Variants in UGT2B17 observed in about 807,000 individuals in gnomAD.
UGT2B17 encodes UDP glucuronosyltransferase family 2 member B17, also known as UDP-glucuronosyltransferase 2B17.
A neutral mutation model predicts 48.2 loss-of-function variants in UGT2B17; 21 were observed. The observed-to-expected ratio is 0.44, with a 90% confidence interval of 0.31 to 0.63. The LOEUF (loss-of-function observed/expected upper bound fraction) is 0.63, where lower values mean the gene tolerates loss of function less well. Among genes scored for constraint, UGT2B17 ranks in the 20% least tolerant of loss-of-function variants. UGT2B17 has a pLI of 0.08. For missense variants in UGT2B17, 402 were observed against 696.1 expected, an observed-to-expected ratio of 0.58 and a Z score of 4.75; for synonymous variants, 146 against 238.4, an observed-to-expected ratio of 0.61 and a Z score of 3.57.
In UGT2B17 at chr4:68,564,294, A is replaced by ATATTT. The variant is rs1366181355; in HGVS notation, c.873+1277_873+1278insAAATA. 1.1e-3 allele frequency among the ~76,000 whole-genome samples: 86 copies of ATATTT among 75,756 alleles called. 7 individuals carry two copies. Among genetic ancestry groups the ATATTT allele is most frequent in the Middle Eastern group, 7.5e-3 (1 of 134 alleles). 49.7% of individuals were successfully genotyped at this position (75,756 alleles called of 152,430 possible). A position where few individuals can be genotyped will look rare whatever the true frequency, so the allele number is the denominator to read the frequency against. On this transcript the variant is annotated intron_variant, in intron 3 of 6. Coordinates refer to ENST00000317746, the MANE Select transcript of UGT2B17 (RefSeq NM_001077.4). The stretch of plus-strand genomic sequence containing the variant: ...ATTTCATATATATATATATATATAT[A>ATATTT]TTTTTTTTTTTTGAGACAGAGTCTC...
chr4:68,575,455 C>A lies in UGT2B17; in HGVS notation c.-65+496G>T, dbSNP rs1418817949. ...ATTTCACACAAAGTTCTAAGTTTTC[C>A]TGGAGTCATAGTGACTCCATAGTCT... On this transcript the variant is annotated intron_variant, in intron 1 of 6. Transcript: ENST00000317746. Among the ~76,000 whole-genome samples the A allele has an allele frequency of 1.6e-5, 2 of 124,974 alleles. 1 individual carries two copies. Among genetic ancestry groups the A allele is most frequent in the African/African-American group, 5.5e-5 (2 of 36,346 alleles). The allele number at this position is 124,974 out of a possible 152,430, so 82.0% of individuals were successfully genotyped here. A position where few individuals can be genotyped will look rare whatever the true frequency, so the allele number is the denominator to read the frequency against.
At chr4:68,547,209 A>G (rs1578165566) in intron 6 of UGT2B17, among the ~76,000 whole-genome samples, 1 of 122,210 alleles carries the variant, frequency 8.2e-6, no homozygotes, top group Non-Finnish European at 1.7e-5. Context: ...ACAGCATGGT[A>G]CTGGTACCAA....
At chr4:68,570,490 T>G (rs1392232556) in intron 1 of UGT2B17, among the ~76,000 whole-genome samples, 1 of 127,108 alleles carries the variant, frequency 7.9e-6, no homozygotes, top group Non-Finnish European at 1.7e-5. Flanking sequence ...TTGTTGTTTT[T>G]TCTTAAAACA....
Position 68,550,617 on chromosome 4 carries a change from T to C in UGT2B17, c.1313+60A>G, listed in dbSNP as rs867164289. 64 of 1,240,498 alleles carry C rather than the reference T, an allele frequency of 5.2e-5. 20 individuals are homozygous for C. The Middle Eastern group carries it at 6.3e-3, about 121-fold the overall frequency. The allele number at this position is 1,240,498 out of a possible 1,614,324, so 76.8% of individuals were successfully genotyped here. The stretch of plus-strand genomic sequence containing the variant: ...TCTCTTAACAAAGGGTTCAAACTCA[T>C]ATTCACTGTTGACAAAATAATTTGT... On this transcript the variant is annotated intron_variant, in intron 6 of 6. Coordinates refer to ENST00000317746, the MANE Select transcript of UGT2B17 (RefSeq NM_001077.4).
Position 68,555,922 on chromosome 4 carries a change from AGT to A in UGT2B17, c.1006-4013_1006-4012del, listed in dbSNP as rs1491358256. ...TGTAAAGAAAGTTATAAAAATAAAA[AGT>A]TTTTTTTTTTTTTTTTTGTAAAAAG... On this transcript the variant is annotated intron_variant, in intron 4 of 6. Transcript: ENST00000317746. 1.2e-4 allele frequency among the ~76,000 whole-genome samples: 6 copies of A among 48,574 alleles called. 1 individual carries two copies. The highest frequency in any genetic ancestry group is 2.7e-4 in the Non-Finnish European group (6 of 22,422). 31.9% of individuals were successfully genotyped at this position (48,574 alleles called of 152,430 possible). A position where few individuals can be genotyped will look rare whatever the true frequency, so the allele number is the denominator to read the frequency against.
chr4:68,553,883 A>C lies in UGT2B17; in HGVS notation c.1006-1972T>G, dbSNP rs190617731. On this transcript the variant is annotated intron_variant, in intron 4 of 6. Transcript: ENST00000317746. ...GGAAAATGAAAGACTGAGTTTTCTC[A>C]GCTCCAAAGTGAAAGGGCATCTGCT... Among the ~76,000 whole-genome samples the C allele has an allele frequency of 2.4e-3, 288 of 122,006 alleles. 46 individuals are homozygous for C. Among genetic ancestry groups the C allele is most frequent in the Middle Eastern group, 8.1e-3 (2 of 248 alleles). The allele number at this position is 122,006 out of a possible 152,430, so 80.0% of individuals were successfully genotyped here.
intron 1 of UGT2B17, among the ~76,000 whole-genome samples, chr4:68,574,114 C>T (rs1188619506): frequency 7.9e-6 from 1 of 126,760 alleles, no homozygotes; most frequent in Non-Finnish European, 1.7e-5. Flanking sequence ...ATATTTGATC[C>T]ATTTCAACCA....
chr4:68,562,138 T>G (rs1285965331), intron 3 of UGT2B17, among the ~76,000 whole-genome samples: 2 of 125,324 alleles, frequency 1.6e-5, no homozygotes, highest in Non-Finnish European at 3.4e-5. Flanking sequence ...ATTTTTGAGA[T>G]GGAGTCTTGC....
chr4:68,555,595 A>G (rs1372783350), intron 4 of UGT2B17, among the ~76,000 whole-genome samples: 1 of 126,388 alleles, frequency 7.9e-6, no homozygotes, highest in Non-Finnish European at 1.7e-5. Context: ...TGGCAATTCC[A>G]TAACTTTAAA....
intron 3 of UGT2B17, among the ~76,000 whole-genome samples, chr4:68,563,080 C>T (rs141185162): frequency 0.021 from 2,624 of 126,898 alleles, 619 homozygotes; most frequent in East Asian, 0.062. Context: ...GATTTATTCT[C>T]TGTACAGTTT....
In UGT2B17 at chr4:68,552,365, G is replaced by A. The variant is rs1263718214; in HGVS notation, c.1006-454C>T. On this transcript the variant is annotated intron_variant, in intron 4 of 6. Transcript: ENST00000317746. ...TTTGTCTCCTATCTACCTATGACCTGGAAGCCCCTTCCATGCTTCAAGTTG... is the reference window on the plus strand; with the variant it reads ...TTTGTCTCCTATCTACCTATGACCTAGAAGCCCCTTCCATGCTTCAAGTTG... Among the ~76,000 whole-genome samples the A allele has an allele frequency of 2.4e-5, 3 of 125,684 alleles. 1 individual carries two copies. The highest frequency in any genetic ancestry group is 8.1e-5 in the Admixed American group (1 of 12,310). The allele number at this position is 125,684 out of a possible 152,430, so 82.5% of individuals were successfully genotyped here.
rs1375173769 is a variant in UGT2B17 at position 68,576,066 on chromosome 4, A to G, written c.-180T>C. On this transcript the variant is annotated 5_prime_UTR_variant, in exon 1 of 7. Transcript: ENST00000317746. The stretch of plus-strand genomic sequence containing the variant: ...TCTGGTGAGGTGTTCCACTGGGGCA[A>G]TTTCCTACCCAGGAGCGCTCTTTGG... Among the ~76,000 whole-genome samples the G allele has an allele frequency of 8.0e-6, 1 of 124,766 alleles. No individual in the cohort carries two copies. The highest frequency in any genetic ancestry group is 2.7e-5 in the African/African-American group (1 of 36,414). The allele number at this position is 124,766 out of a possible 152,430, so 81.9% of individuals were successfully genotyped here. A position where few individuals can be genotyped will look rare whatever the true frequency, so the allele number is the denominator to read the frequency against.
rs1025175002 is a variant in UGT2B17 at position 68,557,745 on chromosome 4, A to T, written c.1005+2792T>A. ...CTATTTTCATTTTTAACAAAACACA[A>T]TTGGAGAAACTGGTTATTTTATCAA... On this transcript the variant is annotated intron_variant, in intron 4 of 6. Coordinates refer to ENST00000317746, the MANE Select transcript of UGT2B17 (RefSeq NM_001077.4). Among the ~76,000 whole-genome samples, 19 of 126,640 alleles carry T rather than the reference A, an allele frequency of 1.5e-4. 5 individuals carry two copies. In the Admixed American group the frequency reaches 1.5e-3, roughly 10 times the overall value. The allele number at this position is 126,640 out of a possible 152,430, so 83.1% of individuals were successfully genotyped here.
rs1375650756 is a variant in UGT2B17, at chr4:68,564,198, A to T, written c.873+1374T>A. On this transcript the variant is annotated intron_variant, in intron 3 of 6. Coordinates refer to ENST00000317746, the MANE Select transcript of UGT2B17 (RefSeq NM_001077.4). Reference sequence around the variant, plus strand: ...GAACATTGGGATTTTTTTTGAAAGGAAATCTGATCATATCTCTTCATTTCT... The same window carrying T: ...GAACATTGGGATTTTTTTTGAAAGGTAATCTGATCATATCTCTTCATTTCT... Among the ~76,000 whole-genome samples the T allele has an allele frequency of 2.5e-5, 3 of 120,998 alleles. 1 individual carries two copies. Among genetic ancestry groups the T allele is most frequent in the African/African-American group, 8.5e-5 (3 of 35,312 alleles). 79.4% of individuals were successfully genotyped at this position (120,998 alleles called of 152,430 possible). A position where few individuals can be genotyped will look rare whatever the true frequency, so the allele number is the denominator to read the frequency against.
rs751771085 is a variant in UGT2B17, at chr4:68,567,901, A to G, written c.584T>C (p.Val195Ala). 8 of 1,380,432 alleles carry G rather than the reference A, an allele frequency of 5.8e-6. 1 individual carries two copies. The highest frequency in any genetic ancestry group is 3.2e-5 in the South Asian group (2 of 61,938). The allele number at this position is 1,380,432 out of a possible 1,614,324, so 85.5% of individuals were successfully genotyped here. ...ACTTAATTCTGACATAACAACAGGT[A>G]CATAGGAAGGAGGGAACAGAAATCC... ...GGGFLFPPSY[V>A]PVVMSELSDQ... The change falls in exon 2 of 7, where the codon GTA (valine) becomes GCA (alanine). Residue 195 changes from valine (V) to alanine (A), a missense_variant. Transcript: ENST00000317746.
chr4:68,548,752 T>C (rs1730865543), intron 6 of UGT2B17, among the ~76,000 whole-genome samples: 1 of 124,698 alleles, frequency 8.0e-6, no homozygotes, highest in South Asian at 3.8e-4. Context: ...GGTATTTTAT[T>C]CTCTTTGTTG....
intron 1 of UGT2B17, among the ~76,000 whole-genome samples, chr4:68,573,371 T>A (rs9990482): frequency 0.42 from 48,500 of 116,484 alleles, 17,356 homozygotes; most frequent in East Asian, 0.62. Flanking sequence ...CGACATGAGT[T>A]TTTTTTTTTT....
chr4:68,547,915 G>A lies in UGT2B17; in HGVS notation c.1313+2762C>T, dbSNP rs180736851. Among the ~76,000 whole-genome samples, 73 of 126,458 alleles carry A rather than the reference G, an allele frequency of 5.8e-4. 11 individuals are homozygous for A. The highest frequency in any genetic ancestry group is 1.9e-3 in the African/African-American group (72 of 36,984). 83.0% of individuals were successfully genotyped at this position (126,458 alleles called of 152,430 possible). On this transcript the variant is annotated intron_variant, in intron 6 of 6. Transcript: ENST00000317746. ...CAGTTAGAATGGCAATCATTAAAAA[G>A]TCAGGAAACCACAGGTGCTGGAGAG...
chr4:68,554,834 A>T (rs936612186), intron 4 of UGT2B17, among the ~76,000 whole-genome samples: 1 of 125,510 alleles, frequency 8.0e-6, no homozygotes, highest in African/African-American at 2.7e-5. Flanking sequence ...TACCTATTGA[A>T]ACAGGTTATC....
Sources: allele counts gnomAD v4.1 joint callset (sites outside exome capture counted in the v4.1 genomes callset), GRCh38; gene constraint gnomAD v4.1.1; transcripts MANE v1.5; gene names NCBI Gene and HGNC (gene_info 2026-07-23, HGNC 2026-07-21).